PPP1R9A: variants seen among roughly 807,000 people sequenced by gnomAD.
PPP1R9A encodes protein phosphatase 1 regulatory subunit 9A.
In PPP1R9A, 59 loss-of-function variants were observed where a neutral mutation model predicts 141.9. The ratio of observed to expected loss-of-function variants is 0.42; its 90% CI spans 0.34 to 0.52. The LOEUF (loss-of-function observed/expected upper bound fraction) is 0.52. PPP1R9A is among the 20% of genes least tolerant of loss of function. The pLI, the probability that PPP1R9A is intolerant of heterozygous loss-of-function variation, is 0.10. For synonymous variants in PPP1R9A, 500 were observed against 569.7 expected (o/e 0.88, Z 1.74); for missense variants, 1,444 against 1,611.9 (o/e 0.90, Z 1.78).
At chr7:95,136,827 C>G (rs1825744841) in intron 4 of PPP1R9A, among the ~76,000 whole-genome samples, 1 of 152,086 alleles carries the variant, frequency 6.6e-6, no homozygotes, top group Admixed American at 6.6e-5. Context: ...CTATAAGACC[C>G]AAGAAGTTTG....
At chr7:95,171,341 GAA>G (rs1015322985) in intron 5 of PPP1R9A, among the ~76,000 whole-genome samples, 1 of 151,514 alleles carries the variant, frequency 6.6e-6, no homozygotes, top group East Asian at 1.9e-4. Context: ...TAACAGGATA[GAA>G]AAAATGTGTC....
intron 4 of PPP1R9A, among the ~76,000 whole-genome samples, chr7:95,144,801 G>A (rs1346608129): frequency 6.6e-6 from 1 of 152,150 alleles, no homozygotes; most frequent in Non-Finnish European, 1.5e-5. Flanking sequence ...TATTCCTGTT[G>A]TAGATGACAT....
At chr7:95,195,870 A>G (rs1836196001) in intron 5 of PPP1R9A, among the ~76,000 whole-genome samples, 1 of 152,056 alleles carries the variant, frequency 6.6e-6, no homozygotes, top group South Asian at 2.1e-4. Flanking sequence ...GGGCAAAACA[A>G]TGAGATGTCA....
intron 2 of PPP1R9A, among the ~76,000 whole-genome samples, chr7:94,915,871 C>T (rs746103076): frequency 7.9e-5 from 12 of 152,166 alleles, no homozygotes; most frequent in Non-Finnish European, 1.8e-4. Flanking sequence ...TTAGGTACAG[C>T]CGTAGCTTTG....
At chr7:95,041,203 T>C (rs970748430) in intron 2 of PPP1R9A, among the ~76,000 whole-genome samples, 1 of 152,150 alleles carries the variant, frequency 6.6e-6, no homozygotes, top group Non-Finnish European at 1.5e-5. Flanking sequence ...CCCAGCTGCA[T>C]ATGAGGTTAT....
intron 2 of PPP1R9A, chr7:95,036,281 CCA>C (rs1419285876): frequency 1.3e-5 from 2 of 152,078 alleles, no homozygotes; most frequent in African/African-American, 4.8e-5. Flanking sequence ...AGTATTAGTT[CCA>C]CAGACACACA....
At chr7:95,100,641 A>G (rs997866402) in intron 2 of PPP1R9A, among the ~76,000 whole-genome samples, 3 of 152,150 alleles carry the variant, frequency 2.0e-5, no homozygotes, top group African/African-American at 4.8e-5. Context: ...GGATGCCACT[A>G]TAAGCAGCCA....
chr7:95,006,821 T>C lies in PPP1R9A; in HGVS notation c.1395+95313T>C, dbSNP rs74298927. ...GCAATTCAGTTGTCTTACCATTGTCTCCTTTCCCTGCCTGATCTTTTTTCA... is the reference window on the plus strand; with the variant it reads ...GCAATTCAGTTGTCTTACCATTGTCCCCTTTCCCTGCCTGATCTTTTTTCA... On this transcript the variant is annotated intron_variant, in intron 2 of 19. Coordinates refer to ENST00000433360, the MANE Select transcript of PPP1R9A (RefSeq NM_001166160.2). 2.1e-3 allele frequency among the ~76,000 whole-genome samples: 314 copies of C among 152,178 alleles called. 7 individuals are homozygous for C. The East Asian group carries it at 0.051, about 25-fold the overall frequency.
At chr7:94,948,609 G>A (rs922461125) in intron 2 of PPP1R9A, among the ~76,000 whole-genome samples, 2 of 152,088 alleles carry the variant, frequency 1.3e-5, no homozygotes, top group Admixed American at 6.6e-5. Flanking sequence ...TATACTAAGG[G>A]GTAGAAAGGA....
At chr7:94,998,665 C>T (rs1223291127) in intron 2 of PPP1R9A, among the ~76,000 whole-genome samples, 1 of 152,126 alleles carries the variant, frequency 6.6e-6, no homozygotes, top group African/African-American at 2.4e-5. Flanking sequence ...TAAATCCAGT[C>T]CAACATTTGG....
chr7:94,955,977 C>T (rs1299343403), intron 2 of PPP1R9A, among the ~76,000 whole-genome samples: 1 of 152,102 alleles, frequency 6.6e-6, no homozygotes, highest in Non-Finnish European at 1.5e-5. Context: ...CCAGGTTTGC[C>T]TGCCTACTTG....
chr7:95,093,791 C>G (rs1381885044), intron 2 of PPP1R9A, among the ~76,000 whole-genome samples: 5 of 152,148 alleles, frequency 3.3e-5, no homozygotes, highest in African/African-American at 7.2e-5. Context: ...ACAGCCTGAA[C>G]TATGCATAAG....
intron 2 of PPP1R9A, among the ~76,000 whole-genome samples, chr7:94,968,909 C>T (rs1251488826): frequency 6.6e-6 from 1 of 151,798 alleles, no homozygotes; most frequent in Non-Finnish European, 1.5e-5. Flanking sequence ...ATCTTGGATA[C>T]GCTTTCTTCT....
rs1286361612 is a variant in PPP1R9A, at chr7:95,291,923, T to A, written c.*1620T>A. The A allele has an allele frequency of 6.6e-6, 1 of 151,606 alleles. No individual in the cohort carries two copies. The highest frequency in any genetic ancestry group is 1.5e-5 in the Non-Finnish European group (1 of 67,908). 9.4% of individuals were successfully genotyped at this position (151,606 alleles called of 1,614,324 possible). On this transcript the variant is annotated 3_prime_UTR_variant, in exon 20 of 20. Transcript: ENST00000433360. ...ATCTTGTATTTTAATAACAGTGTGA[T>A]TTTTTTTTATCTGAAAATCTGAATT...
At chr7:94,978,007 C>T (rs1180239977) in intron 2 of PPP1R9A, among the ~76,000 whole-genome samples, 20 of 151,810 alleles carry the variant, frequency 1.3e-4, no homozygotes, top group Admixed American at 1.3e-4. Context: ...ATGATCCACC[C>T]GCCTCGGCCT....
intron 5 of PPP1R9A, among the ~76,000 whole-genome samples, chr7:95,180,617 C>T (rs928389987): frequency 6.7e-6 from 1 of 149,760 alleles, no homozygotes; most frequent in Non-Finnish European, 1.5e-5. Context: ...AAAATCTTTG[C>T]CATCTACACA....
chr7:95,137,905 A>C (rs2152557613), intron 4 of PPP1R9A, among the ~76,000 whole-genome samples: 1 of 152,118 alleles, frequency 6.6e-6, no homozygotes, highest in East Asian at 1.9e-4. Context: ...AATAGATGAA[A>C]ACATATAGTC....
At chr7:95,074,464 TG>T (rs1165470248) in intron 2 of PPP1R9A, among the ~76,000 whole-genome samples, 3,459 of 127,858 alleles carry the variant, frequency 0.027, 131 homozygotes, top group African/African-American at 0.1. Flanking sequence ...TGCTTTTTTT[TG>T]TTTTTTTTTT....
intron 14 of PPP1R9A, among the ~76,000 whole-genome samples, chr7:95,271,798 A>T (rs943576497): frequency 3.1e-4 from 47 of 152,240 alleles, no homozygotes; most frequent in African/African-American, 1.1e-3. Context: ...TATTGGAGAG[A>T]TTTTAAAAAG....
Sources: gnomAD v4.1 joint callset for allele counts (sites outside exome capture counted in the v4.1 genomes callset) on GRCh38, gnomAD v4.1.1 for gene constraint, MANE v1.5 for transcripts, NCBI Gene and HGNC (gene_info 2026-07-23, HGNC 2026-07-21) for gene names.